Variants in PAXIP1 observed in about 807,000 individuals in gnomAD.
PAXIP1 encodes the protein PAX-interacting protein 1.
Under a neutral mutation model 140.6 loss-of-function variants are expected in PAXIP1, and 19 were observed. The ratio of observed to expected loss-of-function variants is 0.14; its 90% CI spans 0.09 to 0.20. PAXIP1 has a LOEUF of 0.20. PAXIP1 is among the 10% of genes least tolerant of loss of function. The pLI, the probability that PAXIP1 is intolerant of heterozygous loss-of-function variation, is 1.00. For missense variants in PAXIP1, 920 were observed against 1,208.6 expected, an observed-to-expected ratio of 0.76 and a Z score of 3.54; for synonymous variants, 442 against 444.6, an observed-to-expected ratio of 0.99 and a Z score of 0.07.
At chr7:154,996,218 T>TA (rs1188407897) in intron 2 of PAXIP1, among the ~76,000 whole-genome samples, 2 of 152,180 alleles carry the variant, frequency 1.3e-5, no homozygotes, top group Non-Finnish European at 2.9e-5. Context: ...TGAAATATCT[T>TA]AGAGTGAAGG....
chr7:154,992,097 A>C lies in PAXIP1; in HGVS notation c.261-1028T>G, dbSNP rs183616273. Among the ~76,000 whole-genome samples the C allele has an allele frequency of 2.7e-4, 41 of 152,288 alleles. No individual in the cohort carries two copies. The East Asian group carries it at 7.2e-3, about 27-fold the overall frequency. ...ACTTCCAAAGACTTGGGGAAATATT[A>C]ATAAAGGCAAATCTCAGAGTGCACT... On this transcript the variant is annotated intron_variant, in intron 3 of 20. Transcript: ENST00000404141.
At chr7:154,974,863 G>A (rs1257943500) in intron 6 of PAXIP1, among the ~76,000 whole-genome samples, 1 of 151,882 alleles carries the variant, frequency 6.6e-6, no homozygotes, top group Non-Finnish European at 1.5e-5. Flanking sequence ...AAACTTTTAA[G>A]GCCATGCGTG....
rs774694965 is a variant in PAXIP1, at chr7:154,976,000, G to A, written c.770C>T (p.Pro257Leu). 47 of 1,613,204 alleles carry A rather than the reference G, an allele frequency of 2.9e-5. No individual in the cohort carries two copies. The highest frequency in any genetic ancestry group is 8.8e-5 in the South Asian group (8 of 90,990). ...GTTTAAATTTCTCTCCTGTTTTTCC[G>A]GTGATGAATCTGAAGAATCATCAAA... is the stretch of plus-strand genomic sequence containing the variant. ...LMFDDSSDSSPEKQERNLNWT... is the reference protein window; with the variant it reads ...LMFDDSSDSSLEKQERNLNWT... Residue 257 changes from proline (P) to leucine (L), a missense_variant, in exon 6 of 21, where the codon CCG (proline) becomes CTG (leucine). Physicochemically the swap from Pro to Leu is moderately conservative, Grantham distance 98. Coordinates refer to ENST00000404141, the MANE Select transcript of PAXIP1 (RefSeq NM_007349.4).
intron 5 of PAXIP1, among the ~76,000 whole-genome samples, chr7:154,980,700 C>T (rs1003721354): frequency 6.6e-6 from 1 of 152,232 alleles, no homozygotes; most frequent in African/African-American, 2.4e-5. Flanking sequence ...AGGCGTGAGC[C>T]ACCACTTCTG....
At position 154,963,362 on chromosome 7, in the gene PAXIP1, G is replaced by T. The variant is rs1585049926; in HGVS notation, c.1989+309C>A. On this transcript the variant is annotated intron_variant, in intron 9 of 20. Coordinates refer to ENST00000404141, the MANE Select transcript of PAXIP1 (RefSeq NM_007349.4). The surrounding 1 kb of genome is among the most constrained non-coding windows in gnomAD (Gnocchi z 4.1). ...GGCTAATTTTTGTATTTTTAGTAGA[G>T]ACAGGATTTCACCAGGTTGGTCAGG... is the stretch of plus-strand genomic sequence containing the variant. Among the ~76,000 whole-genome samples, 1 of 151,942 alleles carries T rather than the reference G, an allele frequency of 6.6e-6. No homozygotes were observed. Among genetic ancestry groups the T allele is most frequent in the Non-Finnish European group, 1.5e-5 (1 of 67,984 alleles).
At chr7:154,976,842 T>C (rs754294230) in intron 5 of PAXIP1, among the ~76,000 whole-genome samples, 1 of 152,216 alleles carries the variant, frequency 6.6e-6, no homozygotes, top group Non-Finnish European at 1.5e-5. Context: ...GCTCATGCTA[T>C]ATGCCAAGCA....
chr7:154,961,643 A>G lies in PAXIP1; in HGVS notation c.2133T>C (p.Ile711=), dbSNP rs1189993734. 4 of 1,589,424 alleles carry G rather than the reference A, an allele frequency of 2.5e-6. No individual in the cohort carries two copies. Among genetic ancestry groups the G allele is most frequent in the Non-Finnish European group, 3.4e-6 (4 of 1,168,670 alleles). Residue 711 remains isoleucine, a synonymous_variant, in exon 11 of 21, where the codon ATT becomes ATC. Transcript: ENST00000404141. ...CACTATCAACAAATCCAGTCACAGA[A>G]ATAATCTAAGAAAAAAAGAGAAAAT... ...PGGKPCSQHI[I]SVTGFVDSDR...
chr7:154,954,456 A>T lies in PAXIP1; in HGVS notation c.2653-33T>A. 2 of 1,433,864 alleles carry T rather than the reference A, an allele frequency of 1.4e-6. No homozygotes were observed. Among genetic ancestry groups the T allele is most frequent in the Non-Finnish European group, 1.9e-6 (2 of 1,071,796 alleles). The allele number at this position is 1,433,864 out of a possible 1,614,324, so 88.8% of individuals were successfully genotyped here. Reference sequence around the variant, plus strand: ...TCACAAACACAGGTCGGAAATGAAAAAGTTCAGCATCCACAGAGCCACACT... The same window carrying T: ...TCACAAACACAGGTCGGAAATGAAATAGTTCAGCATCCACAGAGCCACACT... On this transcript the variant is annotated intron_variant, in intron 15 of 20. Transcript: ENST00000404141. The surrounding 1 kb of genome is among the most constrained non-coding windows in gnomAD (Gnocchi z 5.1).
chr7:154,998,837 T>A (rs1167927228), intron 1 of PAXIP1, 53 bp from the exon 2 acceptor site: 1 of 1,470,418 alleles, frequency 6.8e-7, no homozygotes, highest in East Asian at 2.3e-5. Context: ...TGTACTGTAC[T>A]CTTGAATTAC....
Position 154,955,629 on chromosome 7 carries a change from AT to A in PAXIP1, c.2551del (p.Ile851LeufsTer11). The stretch of plus-strand genomic sequence containing the variant: ...TTTAGTGGGAGGTGGTACGTCTTCA[AT>A]TCTGTGGAAGAAATACACATAAAAT... ...NVQPSSKRARIEDVPPPTKKL... is the reference protein window; with the variant it reads ...NVQPSSKRARXEDVPPPTKKL... On this transcript the variant is annotated frameshift_variant and splice_region_variant, in exon 15 of 21. Coordinates refer to ENST00000404141, the MANE Select transcript of PAXIP1 (RefSeq NM_007349.4). LOFTEE classifies it high-confidence loss of function. 1 of 1,541,154 alleles carries A rather than the reference AT, an allele frequency of 6.5e-7. No homozygotes were observed. Among genetic ancestry groups the A allele is most frequent in the Non-Finnish European group, 8.8e-7 (1 of 1,138,190 alleles).
intron 16 of PAXIP1, chr7:154,950,360 G>A (rs1808219632): frequency 6.6e-6 from 1 of 151,646 alleles, no homozygotes; most frequent in South Asian, 2.1e-4. Context: ...GAATCTAAGG[G>A]ACCTTGAGTT....
chr7:154,961,711 T>G, intron 10 of PAXIP1, 63 bp from the exon 11 acceptor site: 1 of 1,328,380 alleles, frequency 7.5e-7, no homozygotes, highest in Non-Finnish European at 1.0e-6. Context: ...CCAAGTACTA[T>G]TTCTTCTACT....
At position 154,969,121 on chromosome 7, in the gene PAXIP1, T is replaced by C. The variant is rs1809176904; in HGVS notation, c.1080A>G (p.Leu360=). The C allele has an allele frequency of 2.1e-6, 3 of 1,462,502 alleles. No individual in the cohort carries two copies. The highest frequency in any genetic ancestry group is 1.4e-5 in the South Asian group (1 of 68,978). The allele number at this position is 1,462,502 out of a possible 1,614,324, so 90.6% of individuals were successfully genotyped here. A position where few individuals can be genotyped will look rare whatever the true frequency, so the allele number is the denominator to read the frequency against. ...MNRPSNVAHI[L]QTLSAPTKNL... ...TTTTCGTAGGTGCTGAAAGAGTCTG[T>C]AAGATCTACAAAACAAAAGTTAGGT... is the stretch of plus-strand genomic sequence containing the variant. Residue 360 remains leucine, a synonymous_variant, in exon 7 of 21, where the codon TTA becomes TTG. Coordinates refer to ENST00000404141, the MANE Select transcript of PAXIP1 (RefSeq NM_007349.4).
rs749201957 is a variant in PAXIP1, at chr7:154,968,638, GTGCTGCTGCTGGAGCTGGGCAAGC to G, written c.1539_1562del (p.Gln513_Gln520del). 19 of 713,212 alleles carry G rather than the reference GTGCTGCTGCTGGAGCTGGGCAAGC, an allele frequency of 2.7e-5. No individual in the cohort carries two copies. Among genetic ancestry groups the G allele is most frequent in the East Asian group, 8.1e-5 (3 of 37,054 alleles). The allele number at this position is 713,212 out of a possible 1,614,324, so 44.2% of individuals were successfully genotyped here. Reference sequence around the variant, plus strand: ...GTTGCTGCTGCTGCTGGAGCAGGCTGTGCTGCTGCTGGAGCTGGGCAAGCTGCTGCTGCTGGAGCTGGTGCTGCT... The same window carrying G: ...GTTGCTGCTGCTGCTGGAGCAGGCTGTGCTGCTGCTGGAGCTGGTGCTGCT... On this transcript the variant is annotated inframe_deletion, in exon 7 of 21. Coordinates refer to ENST00000404141, the MANE Select transcript of PAXIP1 (RefSeq NM_007349.4).
rs187230088 is a variant in PAXIP1, at chr7:154,979,821, C to T, written c.438+3398G>A. Among the ~76,000 whole-genome samples, 3 of 152,214 alleles carry T rather than the reference C, an allele frequency of 2.0e-5. No individual in the cohort carries two copies. In the East Asian group the frequency reaches 5.8e-4, roughly 29 times the overall value. On this transcript the variant is annotated intron_variant, in intron 5 of 20. Transcript: ENST00000404141. Reference sequence around the variant, plus strand: ...GGAAGAGGCGAGGTGAGGCAGGGAACACCACGCCATAGAAGGGTGCATGGC... The same window carrying T: ...GGAAGAGGCGAGGTGAGGCAGGGAATACCACGCCATAGAAGGGTGCATGGC...
At chr7:154,988,897 A>T (rs939151014) in intron 4 of PAXIP1, among the ~76,000 whole-genome samples, 4 of 152,232 alleles carry the variant, frequency 2.6e-5, no homozygotes, top group Admixed American at 6.5e-5. Context: ...AACTTTTCTG[A>T]TAAGTTGATT....
intron 20 of PAXIP1, chr7:154,945,518 T>G: frequency 1.0e-6 from 1 of 985,412 alleles, no homozygotes; most frequent in South Asian, 4.7e-5. Context: ...TGCGCCTTAC[T>G]GAAGCAGTCC....
chr7:154,973,688 C>T lies in PAXIP1; in HGVS notation c.1074+2008G>A, dbSNP rs114811490. ...TGTCCCACAGCATTTCTAAACACTACGTAAACCACTGCTATTATCATACCC... is the reference window on the plus strand; with the variant it reads ...TGTCCCACAGCATTTCTAAACACTATGTAAACCACTGCTATTATCATACCC... On this transcript the variant is annotated intron_variant, in intron 6 of 20. Transcript: ENST00000404141. This position sits in a 1 kb window ranked among gnomAD's most constrained non-coding sequence, Gnocchi z 4.0. 4.4e-3 allele frequency among the ~76,000 whole-genome samples: 664 copies of T among 152,258 alleles called. 5 individuals carry two copies. The highest frequency in any genetic ancestry group is 0.021 in the South Asian group (100 of 4,824).
chr7:154,962,204 CA>C, intron 10 of PAXIP1, 116 bp downstream of exon 10: 1 of 1,071,834 alleles, frequency 9.3e-7, no homozygotes, highest in Non-Finnish European at 1.4e-6. Flanking sequence ...GGCAAAAGTA[CA>C]TAGAGAAGCT....
Sources: allele counts gnomAD v4.1 joint callset (sites outside exome capture counted in the v4.1 genomes callset), GRCh38; gene constraint gnomAD v4.1.1; non-coding constraint Gnocchi (gnomAD v3.1); transcripts MANE v1.5; gene names NCBI Gene and HGNC (gene_info 2026-07-23, HGNC 2026-07-21).